PATL2: variants seen among roughly 807,000 people sequenced by gnomAD.
PATL2 encodes the protein PAT1 homolog 2.
PATL2 carries 73 observed loss-of-function variants against 77.0 expected under a neutral mutation model. That is an observed-to-expected ratio of 0.95 (90% CI 0.78 to 1.15). PATL2 has a LOEUF of 1.15. PATL2 is among the 50% of genes most tolerant of loss of function. PATL2 has a pLI of 0.00. For synonymous variants in PATL2, 265 were observed against 257.1 expected (o/e 1.03, Z -0.29); for missense variants, 618 against 655.4 (o/e 0.94, Z 0.62).
At chr15:44,697,488 T>C (rs1316656787) in intron 3 of PATL2, 2 of 152,256 alleles carry the variant, frequency 1.3e-5, no homozygotes, top group Non-Finnish European at 2.9e-5. Flanking sequence ...GTGCATATAT[T>C]ACTTTTATAA....
intron 3 of PATL2, among the ~76,000 whole-genome samples, chr15:44,680,616 T>C (rs1216827349): frequency 6.6e-6 from 1 of 152,194 alleles, no homozygotes; most frequent in Non-Finnish European, 1.5e-5. Context: ...TTTTTCTTAG[T>C]GTATAGGATA....
At chr15:44,697,039 G>A (rs1418516844) in intron 3 of PATL2, among the ~76,000 whole-genome samples, 2 of 152,092 alleles carry the variant, frequency 1.3e-5, no homozygotes, top group Non-Finnish European at 2.9e-5. Context: ...GAGGTACTTT[G>A]GAGCAGGTAG....
intron 3 of PATL2, among the ~76,000 whole-genome samples, chr15:44,695,505 C>T (rs1197007922): frequency 6.6e-6 from 1 of 152,130 alleles, no homozygotes; most frequent in Non-Finnish European, 1.5e-5. Context: ...CTTCCCCTCA[C>T]CTCTGTAAAT....
intron 5 of PATL2, chr15:44,674,468 C>T (rs1294182675): frequency 8.6e-6 from 4 of 466,460 alleles, no homozygotes; most frequent in Non-Finnish European, 1.5e-5. Context: ...CATATATGTT[C>T]CGAGACCCCC....
At position 44,676,504 on chromosome 15, in the gene PATL2, T is replaced by C; in HGVS notation, c.-14A>G. 2 of 1,551,518 alleles carry C rather than the reference T, an allele frequency of 1.3e-6. No homozygotes were observed. The highest frequency in any genetic ancestry group is 1.2e-5 in the South Asian group (1 of 84,066). On this transcript the variant is annotated 5_prime_UTR_variant, in exon 4 of 18. Transcript: ENST00000682850. ...AAGGCAATTCATCTTGGCAGGCTGG[T>C]GGACTTCCTTCTTAGCCGTGTCCTC...
In PATL2 at chr15:44,666,528, C is replaced by A; in HGVS notation, c.1477G>T (p.Val493Phe). The A allele has an allele frequency of 6.5e-7, 1 of 1,550,134 alleles. No individual in the cohort carries two copies. Among genetic ancestry groups the A allele is most frequent in the Non-Finnish European group, 8.7e-7 (1 of 1,146,334 alleles). ...TGGGCTATCTCCCAGGCAATCAGAACCACCATGTCTGTCCTAGAGAGCATA... is the reference window on the plus strand; with the variant it reads ...TGGGCTATCTCCCAGGCAATCAGAAACACCATGTCTGTCCTAGAGAGCATA... ...SDHTAWTDMVVLIAWEIAQMP... is the reference protein window; with the variant it reads ...SDHTAWTDMVFLIAWEIAQMP... The change falls in exon 17 of 18, where the codon GTT (valine) becomes TTT (phenylalanine). Residue 493 changes from valine (V) to phenylalanine (F), a missense_variant. Physicochemically the swap from Val to Phe is conservative, Grantham distance 50. Transcript: ENST00000682850.
intron 3 of PATL2, among the ~76,000 whole-genome samples, chr15:44,701,022 G>C (rs2086617799): frequency 6.6e-6 from 1 of 151,072 alleles, no homozygotes. Context: ...CAGTTGAAAT[G>C]ATCATATGGT....
intron 16 of PATL2, chr15:44,666,833 T>C (rs1442843550): frequency 1.0e-4 from 54 of 519,828 alleles, no homozygotes; most frequent in Non-Finnish European, 1.7e-4. Context: ...CCTAAAGTTA[T>C]ATTGCTAGTA....
Position 44,691,993 on chromosome 15 carries a change from C to T in PATL2, c.-75-15428G>A, listed in dbSNP as rs541218858. 2.7e-4 allele frequency among the ~76,000 whole-genome samples: 41 copies of T among 152,100 alleles called. No individual in the cohort carries two copies. In the South Asian group the frequency reaches 7.7e-3, roughly 29 times the overall value. ...AATAGGGAAAAACTGCGAACATCTT[C>T]AATACAGGATTAGGTAAAAATGTAT... On this transcript the variant is annotated intron_variant, in intron 3 of 17. Coordinates refer to ENST00000682850, the MANE Select transcript of PATL2 (RefSeq NM_001387263.1).
intron 3 of PATL2, among the ~76,000 whole-genome samples, chr15:44,680,803 A>T (rs1363524510): frequency 6.6e-6 from 1 of 152,152 alleles, no homozygotes; most frequent in Non-Finnish European, 1.5e-5. Context: ...GGCAACAGGG[A>T]CAAACAGACA....
intron 9 of PATL2, 149 bp from the exon 10 acceptor site, chr15:44,670,236 G>C: frequency 1.7e-6 from 2 of 1,162,510 alleles, no homozygotes; most frequent in Non-Finnish European, 2.4e-6. Flanking sequence ...ATCTCCCTCT[G>C]TCACCCAGCT....
intron 3 of PATL2, among the ~76,000 whole-genome samples, chr15:44,704,155 A>ATT (rs374729545): frequency 6.0e-5 from 8 of 134,060 alleles, no homozygotes; most frequent in East Asian, 4.3e-4. Context: ...TGTCTGGCTA[A>ATT]TTTTTTTTTT....
At chr15:44,701,668 C>T (rs140561848) in intron 3 of PATL2, among the ~76,000 whole-genome samples, 4,122 of 140,004 alleles carry the variant, frequency 0.029, 224 homozygotes, top group African/African-American at 0.11. Context: ...CACTGCCCTC[C>T]AGCCTGGGTG....
chr15:44,710,050 T>G (rs967652136), intron 3 of PATL2, among the ~76,000 whole-genome samples, 46 bp downstream of exon 3: 5 of 152,168 alleles, frequency 3.3e-5, no homozygotes, highest in African/African-American at 1.2e-4. Context: ...ACTAGGTAAA[T>G]AATATTAATA....
chr15:44,707,392 C>G (rs1005237599), intron 3 of PATL2, among the ~76,000 whole-genome samples: 1 of 152,106 alleles, frequency 6.6e-6, no homozygotes, highest in Non-Finnish European at 1.5e-5. Context: ...ATGATGAGTA[C>G]TACCTGGCTA....
chr15:44,696,360 C>T (rs1259760239), intron 3 of PATL2, among the ~76,000 whole-genome samples: 1 of 152,198 alleles, frequency 6.6e-6, no homozygotes, highest in Non-Finnish European at 1.5e-5. Flanking sequence ...GATGCTACCT[C>T]TGATTCCTTT....
intron 3 of PATL2, among the ~76,000 whole-genome samples, chr15:44,699,262 A>T (rs2086578088): frequency 6.6e-6 from 1 of 151,976 alleles, no homozygotes; most frequent in Non-Finnish European, 1.5e-5. Flanking sequence ...TACTCAAGAA[A>T]TTTTTGCCCA....
chr15:44,680,342 A>T (rs1480551705), intron 3 of PATL2, among the ~76,000 whole-genome samples: 3 of 152,140 alleles, frequency 2.0e-5, no homozygotes, highest in South Asian at 4.1e-4. Flanking sequence ...AAAAATAGGC[A>T]TTGTCCTCCT....
intron 3 of PATL2, among the ~76,000 whole-genome samples, chr15:44,686,305 A>G (rs1047004220): frequency 6.6e-6 from 1 of 152,224 alleles, no homozygotes. Context: ...CTCCTGAATG[A>G]CTACTGGGTA....
Sources: allele counts gnomAD v4.1 joint callset (sites outside exome capture counted in the v4.1 genomes callset), GRCh38; gene constraint gnomAD v4.1.1; transcripts MANE v1.5; gene names NCBI Gene and HGNC (gene_info 2026-07-23, HGNC 2026-07-21).